Variants in NXPH1 observed in about 807,000 individuals in gnomAD.
The protein encoded by NXPH1 is neurexophilin 1.
In NXPH1, 5 loss-of-function variants were observed where a neutral mutation model predicts 23.7. That is an observed-to-expected ratio of 0.21 (90% confidence interval 0.11 to 0.44). The LOEUF is 0.44. Ranked by LOEUF, NXPH1 falls within the 20% of genes least tolerant of loss-of-function variation. The pLI, the probability that NXPH1 is intolerant of heterozygous loss-of-function variation, is 0.99. For synonymous variants in NXPH1, 144 were observed against 122.2 expected, an observed-to-expected ratio of 1.18 and a Z score of -1.18; for missense variants, 324 against 321.6, an observed-to-expected ratio of 1.01 and a Z score of -0.06.
chr7:8,675,959 T>C (rs1231615293), intron 2 of NXPH1, among the ~76,000 whole-genome samples: 1 of 152,172 alleles, frequency 6.6e-6, no homozygotes, highest in Non-Finnish European at 1.5e-5. Flanking sequence ...CCTCTAATTA[T>C]CTAGTTTTCT....
chr7:8,694,667 T>C (rs1041625734), intron 2 of NXPH1, among the ~76,000 whole-genome samples: 43 of 152,194 alleles, frequency 2.8e-4, no homozygotes, highest in African/African-American at 9.6e-4. Context: ...AAATTCATAG[T>C]ATTATAATTA....
At chr7:8,593,731 A>G (rs1819155339) in intron 2 of NXPH1, among the ~76,000 whole-genome samples, 1 of 152,014 alleles carries the variant, frequency 6.6e-6, no homozygotes, top group African/African-American at 2.4e-5. Flanking sequence ...TTAAAATTAA[A>G]ATTCAGATGT....
chr7:8,701,598 C>T (rs1171684067), intron 2 of NXPH1, among the ~76,000 whole-genome samples: 1 of 152,094 alleles, frequency 6.6e-6, no homozygotes, highest in Non-Finnish European at 1.5e-5. Flanking sequence ...TTAAATGTCA[C>T]ATTTAAGAAT....
intron 2 of NXPH1, among the ~76,000 whole-genome samples, chr7:8,601,873 T>G (rs1428169096): frequency 6.6e-6 from 1 of 152,340 alleles, no homozygotes; most frequent in South Asian, 2.1e-4. Context: ...TGTTGGCTGC[T>G]GGAAATATTT....
intron 2 of NXPH1, among the ~76,000 whole-genome samples, chr7:8,721,646 C>G (rs1373394530): frequency 6.6e-6 from 1 of 152,092 alleles, no homozygotes; most frequent in African/African-American, 2.4e-5. Flanking sequence ...GGCGTGGTGG[C>G]GGGCACCTGT....
At chr7:8,674,623 G>T (rs1453710413) in intron 2 of NXPH1, among the ~76,000 whole-genome samples, 1 of 152,150 alleles carries the variant, frequency 6.6e-6, no homozygotes, top group East Asian at 1.9e-4. Flanking sequence ...TACAAAAGTA[G>T]AAGGCCAGAG....
chr7:8,454,592 G>A (rs1007890987), intron 2 of NXPH1, among the ~76,000 whole-genome samples: 5 of 152,054 alleles, frequency 3.3e-5, no homozygotes, highest in African/African-American at 1.2e-4. Flanking sequence ...TTGGCCATTA[G>A]CCACTCTTTC....
chr7:8,503,430 C>G (rs1007448944), intron 2 of NXPH1, among the ~76,000 whole-genome samples: 1 of 151,962 alleles, frequency 6.6e-6, no homozygotes, highest in Admixed American at 6.6e-5. Flanking sequence ...TTGCATTATC[C>G]TGTGACTTTA....
At chr7:8,663,108 G>T (rs890332353) in intron 2 of NXPH1, among the ~76,000 whole-genome samples, 9 of 152,030 alleles carry the variant, frequency 5.9e-5, no homozygotes, top group African/African-American at 2.2e-4. Context: ...ATCAGGATGT[G>T]GTCCCACAGA....
chr7:8,580,057 C>T (rs192436193), intron 2 of NXPH1, among the ~76,000 whole-genome samples: 82 of 152,290 alleles, frequency 5.4e-4, no homozygotes, highest in African/African-American at 1.7e-3. Context: ...AACTAAAAAG[C>T]ATAAAATGGG....
chr7:8,656,326 T>G (rs1014589767), intron 2 of NXPH1, among the ~76,000 whole-genome samples: 1 of 152,182 alleles, frequency 6.6e-6, no homozygotes, highest in Non-Finnish European at 1.5e-5. Flanking sequence ...TAATAAAAGC[T>G]TTTTAAAATT....
At chr7:8,640,082 CA>C (rs1820282696) in intron 2 of NXPH1, among the ~76,000 whole-genome samples, 2 of 152,118 alleles carry the variant, frequency 1.3e-5, no homozygotes, top group South Asian at 4.1e-4. Flanking sequence ...ATGTATATTG[CA>C]AATCCATATT....
chr7:8,717,647 T>A (rs2115203427), intron 2 of NXPH1, among the ~76,000 whole-genome samples: 1 of 152,278 alleles, frequency 6.6e-6, no homozygotes, highest in Non-Finnish European at 1.5e-5. Flanking sequence ...TGGAATGAAA[T>A]CTTTTGTAAT....
chr7:8,459,557 A>G (rs1442508144), intron 2 of NXPH1, among the ~76,000 whole-genome samples: 1 of 152,204 alleles, frequency 6.6e-6, no homozygotes, highest in Non-Finnish European at 1.5e-5. Flanking sequence ...CTGCCCTGCC[A>G]TCTTCTTTCT....
intron 2 of NXPH1, among the ~76,000 whole-genome samples, chr7:8,625,952 C>T (rs780930486): frequency 6.6e-6 from 1 of 152,074 alleles, no homozygotes; most frequent in Non-Finnish European, 1.5e-5. Flanking sequence ...TTCTCTATGA[C>T]CTTCAATTAG....
At chr7:8,715,836 A>G (rs914906963) in intron 2 of NXPH1, among the ~76,000 whole-genome samples, 1 of 152,166 alleles carries the variant, frequency 6.6e-6, no homozygotes, top group African/African-American at 2.4e-5. Context: ...GTGTCCCCAA[A>G]TTAAGAGCAT....
chr7:8,582,544 A>G (rs1038423628), intron 2 of NXPH1, among the ~76,000 whole-genome samples: 3 of 152,104 alleles, frequency 2.0e-5, no homozygotes, highest in African/African-American at 7.2e-5. Flanking sequence ...TGCAGTGGGT[A>G]GCTCTGCAGT....
chr7:8,435,853 C>G lies in NXPH1; in HGVS notation c.54+86C>G. ...GGGGACACGCGGGAGAAGGGTTACG[C>G]CGCCAGTTCAGTGAGAGCAGCTTCC... On this transcript the variant is annotated intron_variant, in intron 2 of 2. Coordinates refer to ENST00000405863, the MANE Select transcript of NXPH1 (RefSeq NM_152745.3). The surrounding 1 kb of genome is among the most constrained non-coding windows in gnomAD (Gnocchi z 5.9). 2 of 1,280,448 alleles carry G rather than the reference C, an allele frequency of 1.6e-6. No individual in the cohort carries two copies. Among genetic ancestry groups the G allele is most frequent in the South Asian group, 2.4e-5 (2 of 84,300 alleles). 79.3% of individuals were successfully genotyped at this position (1,280,448 alleles called of 1,614,324 possible). A position where few individuals can be genotyped will look rare whatever the true frequency, so the allele number is the denominator to read the frequency against.
At chr7:8,603,625 T>C (rs1243776050) in intron 2 of NXPH1, among the ~76,000 whole-genome samples, 1 of 152,208 alleles carries the variant, frequency 6.6e-6, no homozygotes, top group Non-Finnish European at 1.5e-5. Context: ...ATTAGAATTA[T>C]TTTTCCAAGT....
Sources: gnomAD v4.1 joint callset for allele counts (sites outside exome capture counted in the v4.1 genomes callset) on GRCh38, gnomAD v4.1.1 for gene constraint, Gnocchi (gnomAD v3.1) non-coding constraint, MANE v1.5 for transcripts, NCBI Gene and HGNC (gene_info 2026-07-23, HGNC 2026-07-21) for gene names.